Variants in SSBP2 observed in about 807,000 individuals in gnomAD.
The protein encoded by SSBP2 is single-stranded DNA-binding protein 2.
In SSBP2, 17 loss-of-function variants were observed where a neutral mutation model predicts 61.8. The ratio of observed to expected loss-of-function variants is 0.28; its 90% CI spans 0.19 to 0.41. The LOEUF is 0.41. Among genes scored for constraint, SSBP2 ranks in the 10% least tolerant of loss-of-function variants. SSBP2 has a pLI of 1.00. For synonymous variants in SSBP2, 139 were observed against 141.3 expected (o/e 0.98, Z 0.12); for missense variants, 310 against 458.7 (o/e 0.68, Z 2.96).
chr5:81,655,444 A>G lies in SSBP2; in HGVS notation c.63-5105T>C, dbSNP rs1750129881. On this transcript the variant is annotated intron_variant, in intron 1 of 16. Transcript: ENST00000320672. ...TTTAAAAAACATTGATTAATGAAAA[A>G]GCCTATCAATGATTAATGGATCATA... 2.6e-5 allele frequency among the ~76,000 whole-genome samples: 4 copies of G among 152,222 alleles called. 1 individual carries two copies. In the South Asian group the frequency reaches 8.3e-4, roughly 31 times the overall value.
At chr5:81,641,626 T>TA (rs1432970562) in intron 2 of SSBP2, among the ~76,000 whole-genome samples, 2 of 152,140 alleles carry the variant, frequency 1.3e-5, no homozygotes, top group Non-Finnish European at 1.5e-5. Flanking sequence ...ACCACTTGTT[T>TA]AAAAAAAGCA....
At chr5:81,751,373 A>AG (rs1757763935), upstream of SSBP2, 2 of 471,788 alleles carry the variant, frequency 4.2e-6, no homozygotes, top group Non-Finnish European at 7.7e-6. Context: ...CCCGGGCGCA[A>AG]GGGGGGAATT....
chr5:81,698,363 T>A (rs186589312), intron 1 of SSBP2, among the ~76,000 whole-genome samples: 2 of 152,342 alleles, frequency 1.3e-5, no homozygotes, highest in African/African-American at 4.8e-5. Context: ...TTTTAATTTA[T>A]ACCAGTTGCA....
intron 14 of SSBP2, among the ~76,000 whole-genome samples, chr5:81,439,482 T>C (rs1228670435): frequency 1.3e-5 from 2 of 150,904 alleles, no homozygotes; most frequent in East Asian, 3.9e-4. Context: ...TAAGAAGGCA[T>C]CACTTATAAA....
At chr5:81,555,972 T>C (rs989320627) in intron 4 of SSBP2, among the ~76,000 whole-genome samples, 2 of 152,132 alleles carry the variant, frequency 1.3e-5, no homozygotes, top group African/African-American at 4.8e-5. Context: ...CCTTATAGTC[T>C]CTGCTGCAGC....
chr5:81,539,108 T>C (rs896878609), intron 4 of SSBP2, among the ~76,000 whole-genome samples: 29 of 152,240 alleles, frequency 1.9e-4, no homozygotes, highest in Admixed American at 1.1e-3. Context: ...CTAGATGCTA[T>C]TAAGAACATT....
chr5:81,730,642 CATA>C (rs1263841230), intron 1 of SSBP2, among the ~76,000 whole-genome samples: 6 of 152,178 alleles, frequency 3.9e-5, no homozygotes, highest in Admixed American at 2.0e-4. Flanking sequence ...TAATATAAGT[CATA>C]ATATAAATTA....
chr5:81,741,672 T>TA (rs1334032228), intron 1 of SSBP2, among the ~76,000 whole-genome samples: 7 of 152,158 alleles, frequency 4.6e-5, no homozygotes, highest in African/African-American at 1.7e-4. Flanking sequence ...AGTTCACTGA[T>TA]AAAAATTAGC....
intron 1 of SSBP2, among the ~76,000 whole-genome samples, chr5:81,674,641 C>T (rs943537925): frequency 3.9e-5 from 6 of 152,110 alleles, no homozygotes; most frequent in Non-Finnish European, 7.4e-5. Flanking sequence ...TTTCAAAGAG[C>T]AGATAATTTC....
At chr5:81,467,133 C>T in intron 8 of SSBP2, 68 bp from the exon 9 acceptor site, 8 of 962,262 alleles carry the variant, frequency 8.3e-6, no homozygotes, top group Non-Finnish European at 1.3e-5. Context: ...TTAATGATTT[C>T]CCTACATAAC....
intron 1 of SSBP2, among the ~76,000 whole-genome samples, chr5:81,669,969 T>C (rs1751469659): frequency 1.3e-5 from 2 of 151,926 alleles, no homozygotes; most frequent in African/African-American, 4.8e-5. Context: ...GGCAGAAGTA[T>C]AGAGAGACAG....
intron 1 of SSBP2, among the ~76,000 whole-genome samples, chr5:81,741,029 G>A (rs955406686): frequency 2.0e-5 from 3 of 152,094 alleles, no homozygotes; most frequent in Non-Finnish European, 2.9e-5. Flanking sequence ...CATGTTAAGC[G>A]ATGAAACACA....
chr5:81,622,894 C>T (rs1359697182), intron 3 of SSBP2, among the ~76,000 whole-genome samples: 2 of 152,088 alleles, frequency 1.3e-5, no homozygotes, highest in Non-Finnish European at 2.9e-5. Flanking sequence ...TGAAAAACTG[C>T]GTATCGACAT....
intron 4 of SSBP2, among the ~76,000 whole-genome samples, chr5:81,540,113 G>A (rs1034830504): frequency 1.6e-4 from 24 of 152,098 alleles, no homozygotes; most frequent in Non-Finnish European, 3.2e-4. Context: ...TGGTGTATAT[G>A]TGCCACATTT....
chr5:81,448,834 C>A lies in SSBP2; in HGVS notation c.688-9G>T, dbSNP rs781464276. 6.2e-7 allele frequency: 1 copy of A among 1,610,212 alleles called. No homozygotes were observed. Among genetic ancestry groups the A allele is most frequent in the Admixed American group, 1.7e-5 (1 of 59,182 alleles). Reference sequence around the variant, plus strand: ...GCTGAGGAGTATGGTATCTGGAACACGAATAGGACAAAAAAATTTTTGATT... The same window carrying A: ...GCTGAGGAGTATGGTATCTGGAACAAGAATAGGACAAAAAAATTTTTGATT... On this transcript the variant is annotated splice_polypyrimidine_tract_variant and intron_variant, in intron 10 of 16. Transcript: ENST00000320672.
intron 1 of SSBP2, among the ~76,000 whole-genome samples, chr5:81,687,921 A>G (rs185086211): frequency 5.1e-4 from 78 of 152,324 alleles, no homozygotes; most frequent in African/African-American, 1.9e-3. Flanking sequence ...GCGACCCAGC[A>G]CATTCCCAGC....
At chr5:81,480,062 T>C (rs1039751218) in intron 6 of SSBP2, among the ~76,000 whole-genome samples, 7 of 152,312 alleles carry the variant, frequency 4.6e-5, no homozygotes, top group Admixed American at 2.0e-4. Flanking sequence ...GGGCTCAAGA[T>C]TGGATTAACA....
At chr5:81,577,192 T>TG (rs551508425) in intron 4 of SSBP2, among the ~76,000 whole-genome samples, 284 of 152,234 alleles carry the variant, frequency 1.9e-3, no homozygotes, top group Non-Finnish European at 2.7e-3. Context: ...ATAACATATA[T>TG]GATGAGAGTT....
chr5:81,473,696 T>G lies in SSBP2; in HGVS notation c.570+4A>C, dbSNP rs1418814542. On this transcript the variant is annotated splice_donor_region_variant and intron_variant, in intron 8 of 16. Coordinates refer to ENST00000320672, the MANE Select transcript of SSBP2 (RefSeq NM_012446.5). ...GCTATTGTAAATATGCACTGATTAT[T>G]TACCTGTGGTCCTAAGGGCACCATT... 6.2e-7 allele frequency: 1 copy of G among 1,613,832 alleles called. No homozygotes were observed. Among genetic ancestry groups the G allele is most frequent in the South Asian group, 1.1e-5 (1 of 91,078 alleles).
Sources: allele counts gnomAD v4.1 joint callset (sites outside exome capture counted in the v4.1 genomes callset), GRCh38; gene constraint gnomAD v4.1.1; transcripts MANE v1.5; gene names NCBI Gene and HGNC (gene_info 2026-07-23, HGNC 2026-07-21).